KCNH1: variants seen among roughly 807,000 people sequenced by gnomAD.
The protein encoded by KCNH1 is potassium voltage-gated channel subfamily H member 1.
In KCNH1, 27 loss-of-function variants were observed where a neutral mutation model predicts 69.2. The ratio of observed to expected loss-of-function variants is 0.39; its 90% CI spans 0.29 to 0.54. The LOEUF is 0.54. KCNH1 is among the 20% of genes least tolerant of loss of function. The pLI, the probability that KCNH1 is intolerant of heterozygous loss-of-function variation, is 0.68. For missense variants in KCNH1, 798 were observed against 1,261.6 expected, an observed-to-expected ratio of 0.63 and a Z score of 5.57; for synonymous variants, 456 against 487.7, an observed-to-expected ratio of 0.93 and a Z score of 0.86.
chr1:210,865,022 C>T (rs527890091), intron 7 of KCNH1, among the ~76,000 whole-genome samples: 1 of 152,302 alleles, frequency 6.6e-6, no homozygotes, highest in African/African-American at 2.4e-5. Flanking sequence ...ATCTGTATGA[C>T]CTTTGATGAC....
At chr1:211,015,271 G>C (rs1689472790) in intron 6 of KCNH1, among the ~76,000 whole-genome samples, 1 of 152,126 alleles carries the variant, frequency 6.6e-6, no homozygotes, top group South Asian at 2.1e-4. Flanking sequence ...TGACTCAACT[G>C]TCCTTCATTA....
At chr1:211,000,531 G>GAAACACA (rs1442150706) in intron 6 of KCNH1, among the ~76,000 whole-genome samples, 2 of 152,084 alleles carry the variant, frequency 1.3e-5, no homozygotes, top group African/African-American at 4.8e-5. Context: ...ACAAATGGAA[G>GAAACACA]AACATTCCAT....
chr1:210,687,544 C>T (rs577725901), intron 10 of KCNH1, among the ~76,000 whole-genome samples: 1 of 152,316 alleles, frequency 6.6e-6, no homozygotes, highest in African/African-American at 2.4e-5. Flanking sequence ...GAGCTTCCTA[C>T]CCTGCAGAAA....
intron 1 of KCNH1, among the ~76,000 whole-genome samples, chr1:211,131,709 G>A (rs943728111): frequency 6.6e-6 from 1 of 152,052 alleles, no homozygotes; most frequent in African/African-American, 2.4e-5. Flanking sequence ...TTCCATTTGT[G>A]TTCAGGAAAT....
chr1:210,798,730 A>G lies in KCNH1; in HGVS notation c.1663-970T>C, dbSNP rs149053289. ...CAGCTGTCCAGGTGAGAGGTGAGGG[A>G]AACTTTGACTGGGATGCTGGCAGGA... On this transcript the variant is annotated intron_variant, in intron 8 of 10. Coordinates refer to ENST00000271751, the MANE Select transcript of KCNH1 (RefSeq NM_172362.3). Among the ~76,000 whole-genome samples the G allele has an allele frequency of 2.6e-5, 4 of 152,320 alleles. No individual in the cohort carries two copies. In the East Asian group the frequency reaches 7.7e-4, roughly 29 times the overall value.
chr1:211,039,910 C>T (rs1689959941), intron 5 of KCNH1, among the ~76,000 whole-genome samples: 1 of 152,126 alleles, frequency 6.6e-6, no homozygotes, highest in Non-Finnish European at 1.5e-5. Context: ...GACTTCAGGG[C>T]TGGGTGCGGT....
Position 210,680,932 on chromosome 1 carries a change from T to G in KCNH1, c.*2349A>C, listed in dbSNP as rs1681248905. ...CCTCATACCCAGAGGTCTGAGAAAT[T>G]TCACGGACATCCGTCTCCCTCAGGC... On this transcript the variant is annotated 3_prime_UTR_variant, in exon 11 of 11. Coordinates refer to ENST00000271751, the MANE Select transcript of KCNH1 (RefSeq NM_172362.3). 6.6e-6 allele frequency: 1 copy of G among 152,164 alleles called. No individual in the cohort carries two copies. The highest frequency in any genetic ancestry group is 1.5e-5 in the Non-Finnish European group (1 of 68,046). The allele number at this position is 152,164 out of a possible 1,614,324, so 9.4% of individuals were successfully genotyped here.
At chr1:210,998,139 C>T (rs1316549917) in intron 6 of KCNH1, among the ~76,000 whole-genome samples, 2 of 152,158 alleles carry the variant, frequency 1.3e-5, no homozygotes, top group Non-Finnish European at 2.9e-5. Context: ...ATCACAATGA[C>T]AGGACCAAAT....
chr1:211,030,589 C>G (rs941681299), intron 5 of KCNH1, among the ~76,000 whole-genome samples: 3 of 151,984 alleles, frequency 2.0e-5, no homozygotes, highest in African/African-American at 7.3e-5. Context: ...AGTCTCGCAT[C>G]TTATTTAAAA....
At chr1:210,945,169 C>G (rs1183884688) in intron 6 of KCNH1, among the ~76,000 whole-genome samples, 1 of 152,204 alleles carries the variant, frequency 6.6e-6, no homozygotes, top group Non-Finnish European at 1.5e-5. Flanking sequence ...TTAATGGGCA[C>G]TTGGGTTGTG....
At chr1:211,091,132 G>A (rs1225641231) in intron 3 of KCNH1, among the ~76,000 whole-genome samples, 1 of 152,150 alleles carries the variant, frequency 6.6e-6, no homozygotes, top group East Asian at 1.9e-4. Context: ...GGATCCCAGG[G>A]TCAAAATCCA....
At chr1:211,029,054 G>A (rs1275812175) in intron 5 of KCNH1, among the ~76,000 whole-genome samples, 1 of 151,436 alleles carries the variant, frequency 6.6e-6, no homozygotes, top group South Asian at 2.1e-4. Flanking sequence ...AATGAGGCCA[G>A]GCATGGTGGC....
chr1:211,014,107 A>G (rs1345233169), intron 6 of KCNH1, among the ~76,000 whole-genome samples: 1 of 152,192 alleles, frequency 6.6e-6, no homozygotes, highest in Admixed American at 6.5e-5. Context: ...GGCCACCTTC[A>G]GGCTCCAGGG....
intron 6 of KCNH1, among the ~76,000 whole-genome samples, chr1:210,993,452 T>C (rs1306136229): frequency 2.0e-5 from 3 of 152,218 alleles, no homozygotes; most frequent in Admixed American, 1.3e-4. Context: ...GTTAAACTAC[T>C]GCTTCCTACT....
At chr1:210,811,171 G>A (rs764749091) in intron 7 of KCNH1, among the ~76,000 whole-genome samples, 14 of 152,136 alleles carry the variant, frequency 9.2e-5, no homozygotes, top group Non-Finnish European at 1.8e-4. Flanking sequence ...TTGTCCCCCA[G>A]TCCAGAGACT....
intron 9 of KCNH1, among the ~76,000 whole-genome samples, chr1:210,779,454 A>G (rs1683931956): frequency 6.6e-6 from 1 of 152,230 alleles, no homozygotes; most frequent in Non-Finnish European, 1.5e-5. Flanking sequence ...CTTGTAAGTT[A>G]CACACAATGC....
chr1:211,120,190 A>C, intron 1 of KCNH1, among the ~76,000 whole-genome samples: 1 of 141,336 alleles, frequency 7.1e-6, no homozygotes, highest in Admixed American at 7.2e-5. Context: ...ATATATATAC[A>C]TTTTTTTTTT....
chr1:210,687,165 T>C (rs532324448), intron 10 of KCNH1, among the ~76,000 whole-genome samples: 2 of 152,180 alleles, frequency 1.3e-5, no homozygotes, highest in Non-Finnish European at 2.9e-5. Flanking sequence ...CTTCAGATAT[T>C]GAGGAGTCAA....
At chr1:211,123,660 G>C (rs973958778) in intron 1 of KCNH1, among the ~76,000 whole-genome samples, 3 of 152,184 alleles carry the variant, frequency 2.0e-5, no homozygotes, top group Admixed American at 2.0e-4. Context: ...GAAAGGAGAG[G>C]AGAGAGCGAG....
Sources: gnomAD v4.1 joint callset for allele counts (sites outside exome capture counted in the v4.1 genomes callset) on GRCh38, gnomAD v4.1.1 for gene constraint, MANE v1.5 for transcripts, NCBI Gene and HGNC (gene_info 2026-07-23, HGNC 2026-07-21) for gene names.